Variants in ICA1 observed in about 807,000 individuals in gnomAD.
ICA1 encodes 69 kDa islet cell autoantigen.
In ICA1, 40 loss-of-function variants were observed where a neutral mutation model predicts 71.0. The observed-to-expected ratio is 0.56, with a 90% CI of 0.44 to 0.73. The LOEUF is 0.73. ICA1 is among the 30% of genes least tolerant of loss of function. The probability of loss-of-function intolerance (pLI) is 0.00; values close to 1 mark genes in which losing one functional copy is unlikely to be tolerated. For synonymous variants in ICA1, 207 were observed against 209.5 expected (o/e 0.99, Z 0.10); for missense variants, 578 against 576.5 (o/e 1.00, Z -0.03).
At chr7:8,181,436 T>C (rs1315807204) in intron 6 of ICA1, among the ~76,000 whole-genome samples, 1 of 152,192 alleles carries the variant, frequency 6.6e-6, no homozygotes, top group Non-Finnish European at 1.5e-5. Flanking sequence ...TTGTTCTTAC[T>C]TTTAAAGATT....
chr7:8,251,764 A>T (rs747017611), intron 1 of ICA1, among the ~76,000 whole-genome samples: 1 of 152,150 alleles, frequency 6.6e-6, no homozygotes, highest in Non-Finnish European at 1.5e-5. Flanking sequence ...AAAATTGCCA[A>T]GCTACTTTCT....
chr7:8,229,674 T>A (rs1002533049), intron 3 of ICA1, among the ~76,000 whole-genome samples: 36 of 152,350 alleles, frequency 2.4e-4, no homozygotes, highest in African/African-American at 8.7e-4. Context: ...ATGACTAAAT[T>A]AATAAAAACA....
rs755323228 is a variant in ICA1, at chr7:8,194,721, C to T, written c.579+23584G>A. On this transcript the variant is annotated intron_variant, in intron 6 of 13. Transcript: ENST00000402384. ...GCAACCTAAAAGTCTAATGTTAGGGCGTTTTATATAATAAAATATTGGGCT... is the reference window on the plus strand; with the variant it reads ...GCAACCTAAAAGTCTAATGTTAGGGTGTTTTATATAATAAAATATTGGGCT... 3.0e-4 allele frequency among the ~76,000 whole-genome samples: 45 copies of T among 152,124 alleles called. No homozygotes were observed. In the Middle Eastern group the frequency reaches 0.017, roughly 57 times the overall value.
chr7:8,236,160 A>G (rs1801782276), intron 1 of ICA1, among the ~76,000 whole-genome samples, 155 bp from the exon 2 acceptor site: 2 of 152,250 alleles, frequency 1.3e-5, no homozygotes, highest in African/African-American at 2.4e-5. Flanking sequence ...GATGACAACA[A>G]TATAGCTAAG....
chr7:8,200,720 AAG>A (rs1474186004), intron 6 of ICA1, among the ~76,000 whole-genome samples: 1 of 152,216 alleles, frequency 6.6e-6, no homozygotes, highest in East Asian at 1.9e-4. Flanking sequence ...AGTATAATGA[AAG>A]AGTTTCATGA....
At chr7:8,114,554 G>T (rs575897006) in intron 13 of ICA1, among the ~76,000 whole-genome samples, 332 of 152,204 alleles carry the variant, frequency 2.2e-3, no homozygotes, top group Middle Eastern at 3.4e-3. Flanking sequence ...CTTCTCTCAG[G>T]GTCACTGCCT....
chr7:8,148,133 C>A (rs1482998078), intron 8 of ICA1, among the ~76,000 whole-genome samples: 2 of 152,246 alleles, frequency 1.3e-5, no homozygotes, highest in South Asian at 2.1e-4. Context: ...CTGGAATAAG[C>A]AGTTTGGAAA....
intron 6 of ICA1, among the ~76,000 whole-genome samples, chr7:8,168,493 G>A (rs1807017894): frequency 6.6e-6 from 1 of 152,080 alleles, no homozygotes; most frequent in Admixed American, 6.6e-5. Flanking sequence ...GGGACACAGG[G>A]TCACAAATCT....
At chr7:8,185,806 T>C (rs907259971) in intron 6 of ICA1, among the ~76,000 whole-genome samples, 4 of 152,206 alleles carry the variant, frequency 2.6e-5, no homozygotes, top group South Asian at 2.1e-4. Flanking sequence ...AGATAATATA[T>C]ACAGATGGTA....
At chr7:8,213,479 G>C (rs1794476362) in intron 6 of ICA1, among the ~76,000 whole-genome samples, 1 of 152,172 alleles carries the variant, frequency 6.6e-6, no homozygotes, top group Admixed American at 6.5e-5. Context: ...TTAATCCAGA[G>C]AGCTGAATGG....
chr7:8,140,599 G>A (rs1794878978), intron 10 of ICA1, among the ~76,000 whole-genome samples: 1 of 152,220 alleles, frequency 6.6e-6, no homozygotes, highest in South Asian at 2.1e-4. Context: ...GCCTCATCCT[G>A]GAAGGGACTA....
chr7:8,242,498 T>G (rs2128492222), intron 1 of ICA1, among the ~76,000 whole-genome samples: 2 of 152,072 alleles, frequency 1.3e-5, no homozygotes, highest in East Asian at 3.9e-4. Context: ...ACATCACAAT[T>G]AAAAGAACTA....
At chr7:8,207,201 G>A (rs1186016807) in intron 6 of ICA1, among the ~76,000 whole-genome samples, 4 of 152,216 alleles carry the variant, frequency 2.6e-5, no homozygotes, top group Admixed American at 2.6e-4. Flanking sequence ...TGGATGCACA[G>A]ATAGATGGGT....
At chr7:8,221,862 C>T (rs1797204619) in intron 4 of ICA1, among the ~76,000 whole-genome samples, 1 of 152,120 alleles carries the variant, frequency 6.6e-6, no homozygotes, top group Admixed American at 6.5e-5. Flanking sequence ...TCAAATACCT[C>T]AGCTGTGACA....
chr7:8,205,107 G>A (rs1162539526), intron 6 of ICA1, among the ~76,000 whole-genome samples: 1 of 150,994 alleles, frequency 6.6e-6, no homozygotes, highest in Non-Finnish European at 1.5e-5. Context: ...CGGGGGGGTG[G>A]GCTAAGCTAA....
chr7:8,117,091 T>G (rs1785042619), intron 13 of ICA1, among the ~76,000 whole-genome samples: 1 of 152,136 alleles, frequency 6.6e-6, no homozygotes, highest in Non-Finnish European at 1.5e-5. Context: ...AAGGAGCTCT[T>G]CCCCATTTGC....
At chr7:8,161,075 G>A (rs1803600831) in intron 6 of ICA1, among the ~76,000 whole-genome samples, 3 of 152,158 alleles carry the variant, frequency 2.0e-5, no homozygotes, top group Admixed American at 2.0e-4. Flanking sequence ...GAAAATACAC[G>A]TGGGAGTCGG....
chr7:8,248,522 C>T (rs538878437), intron 1 of ICA1, among the ~76,000 whole-genome samples: 1 of 152,132 alleles, frequency 6.6e-6, no homozygotes, highest in African/African-American at 2.4e-5. Flanking sequence ...CTCAGAAGTT[C>T]GAGACCAGAC....
chr7:8,167,548 C>A (rs1806507335), intron 6 of ICA1, among the ~76,000 whole-genome samples: 1 of 152,018 alleles, frequency 6.6e-6, no homozygotes, highest in African/African-American at 2.4e-5. Context: ...TCCTAAGTGA[C>A]AAAATAATCT....
Sources: allele counts gnomAD v4.1 joint callset (sites outside exome capture counted in the v4.1 genomes callset), GRCh38; gene constraint gnomAD v4.1.1; transcripts MANE v1.5; gene names NCBI Gene and HGNC (gene_info 2026-07-23, HGNC 2026-07-21).